Variants in TMEM163 observed in about 807,000 individuals in gnomAD.
The protein encoded by TMEM163 is transmembrane protein 163.
A neutral mutation model predicts 29.3 loss-of-function variants in TMEM163; 17 were observed. That is an observed-to-expected ratio of 0.58 (90% CI 0.40 to 0.87). TMEM163 has a LOEUF of 0.87. Among genes scored for constraint, TMEM163 ranks in the 40% least tolerant of loss-of-function variants. The probability of loss-of-function intolerance (pLI) is 0.00; values close to 1 mark genes in which losing one functional copy is unlikely to be tolerated. For missense variants in TMEM163, 303 were observed against 381.5 expected (o/e 0.79, Z 1.71); for synonymous variants, 157 against 160.6 (o/e 0.98, Z 0.17).
intron 2 of TMEM163, among the ~76,000 whole-genome samples, chr2:134,648,305 C>G (rs983483368): frequency 8.5e-5 from 1 of 11,834 alleles, no homozygotes; most frequent in Admixed American, 6.4e-4. Flanking sequence ...ACTGCTTCTC[C>G]TCTTCTCTTC....
intron 4 of TMEM163, among the ~76,000 whole-genome samples, chr2:134,537,299 G>A (rs1218966688): frequency 6.6e-6 from 1 of 152,186 alleles, no homozygotes; most frequent in Non-Finnish European, 1.5e-5. Context: ...CAGACTGACT[G>A]GGCAGCTTAA....
chr2:134,714,313 C>T (rs545616816), intron 1 of TMEM163, among the ~76,000 whole-genome samples: 1 of 152,308 alleles, frequency 6.6e-6, no homozygotes, highest in South Asian at 2.1e-4. Flanking sequence ...CACAATACAA[C>T]TTTCAGAGGT....
chr2:134,696,932 T>C (rs1322752520), intron 2 of TMEM163, among the ~76,000 whole-genome samples: 2 of 152,106 alleles, frequency 1.3e-5, no homozygotes, highest in Non-Finnish European at 2.9e-5. Flanking sequence ...CCCGCCACCA[T>C]GCCCAGGTAA....
intron 2 of TMEM163, among the ~76,000 whole-genome samples, chr2:134,648,173 A>T (rs902323658): frequency 3.9e-5 from 6 of 152,178 alleles, no homozygotes; most frequent in Non-Finnish European, 7.4e-5. Context: ...GAGCAGGAAG[A>T]TAATCTTCCC....
intron 2 of TMEM163, among the ~76,000 whole-genome samples, chr2:134,640,764 C>A (rs1397472944): frequency 1.3e-5 from 2 of 152,232 alleles, no homozygotes; most frequent in Non-Finnish European, 2.9e-5. Context: ...GCTCCATCCC[C>A]ATAGCCCTTT....
chr2:134,542,008 A>G (rs1680684286), intron 4 of TMEM163, among the ~76,000 whole-genome samples: 1 of 152,224 alleles, frequency 6.6e-6, no homozygotes, highest in Non-Finnish European at 1.5e-5. Flanking sequence ...TCAAGAAACA[A>G]TCTTTTTATC....
chr2:134,690,986 T>G (rs1684451975), intron 2 of TMEM163, among the ~76,000 whole-genome samples: 2 of 152,044 alleles, frequency 1.3e-5, no homozygotes, highest in African/African-American at 4.8e-5. Context: ...CAGGGGTGGG[T>G]GACAAAACGG....
At chr2:134,577,074 T>C (rs1026911183) in intron 2 of TMEM163, among the ~76,000 whole-genome samples, 1 of 152,178 alleles carries the variant, frequency 6.6e-6, no homozygotes, top group Non-Finnish European at 1.5e-5. Context: ...CTTACCCCAG[T>C]ATGAGGCTGA....
At chr2:134,499,205 C>G (rs1449561012) in intron 5 of TMEM163, among the ~76,000 whole-genome samples, 2 of 152,172 alleles carry the variant, frequency 1.3e-5, no homozygotes, top group African/African-American at 2.4e-5. Flanking sequence ...AAAAAAGATG[C>G]AGTCGGGGAG....
chr2:134,711,743 T>C (rs1684931688), intron 2 of TMEM163, among the ~76,000 whole-genome samples: 1 of 152,186 alleles, frequency 6.6e-6, no homozygotes, highest in African/African-American at 2.4e-5. Flanking sequence ...CAATGTAATA[T>C]TACTCTCCTA....
intron 2 of TMEM163, among the ~76,000 whole-genome samples, chr2:134,554,105 T>G (rs1680993630): frequency 6.6e-6 from 1 of 151,922 alleles, no homozygotes; most frequent in Non-Finnish European, 1.5e-5. Flanking sequence ...AACTAACATC[T>G]TGCACAGATG....
chr2:134,489,222 T>C (rs12475911), intron 5 of TMEM163, among the ~76,000 whole-genome samples: 17,490 of 152,246 alleles, frequency 0.11, 1,245 homozygotes, highest in South Asian at 0.2. Context: ...CCTACATTTA[T>C]ATGATGAACA....
chr2:134,711,971 T>C lies in TMEM163; in HGVS notation c.322+1229A>G, dbSNP rs1684936893. On this transcript the variant is annotated intron_variant, in intron 2 of 7. Coordinates refer to ENST00000281924, the MANE Select transcript of TMEM163 (RefSeq NM_030923.5). ...CAGCCACCACAACCAAATTATCCCC[T>C]AGGGACATCAATCCAGCTTGTTATT... Among the ~76,000 whole-genome samples the C allele has an allele frequency of 2.6e-5, 4 of 152,174 alleles. No homozygotes were observed. In the South Asian group the frequency reaches 8.3e-4, roughly 31 times the overall value.
At chr2:134,457,728 CAG>C (rs892377642) in intron 7 of TMEM163, among the ~76,000 whole-genome samples, 3 of 152,090 alleles carry the variant, frequency 2.0e-5, no homozygotes, top group Non-Finnish European at 4.4e-5. Context: ...TGAAGACTGT[CAG>C]AGAGGAAGGA....
At chr2:134,587,192 C>T (rs1262232654) in intron 2 of TMEM163, among the ~76,000 whole-genome samples, 1 of 152,164 alleles carries the variant, frequency 6.6e-6, no homozygotes, top group Admixed American at 6.5e-5. Context: ...GGGAGGATCA[C>T]CTGAGGTCAG....
rs375493263 is a variant in TMEM163 at position 134,561,809 on chromosome 2, G to A, written c.323-9718C>T. On this transcript the variant is annotated intron_variant, in intron 2 of 7. Coordinates refer to ENST00000281924, the MANE Select transcript of TMEM163 (RefSeq NM_030923.5). ...CTGCCAGACTAACATGAGTAGCCACGCTCAACTAATCAGTCTTTCATTCAA... is the reference window on the plus strand; with the variant it reads ...CTGCCAGACTAACATGAGTAGCCACACTCAACTAATCAGTCTTTCATTCAA... Among the ~76,000 whole-genome samples the A allele has an allele frequency of 7.9e-5, 12 of 152,268 alleles. No individual in the cohort carries two copies. In the South Asian group the frequency reaches 2.5e-3, roughly 32 times the overall value.
At chr2:134,568,945 A>T (rs1681361487) in intron 2 of TMEM163, among the ~76,000 whole-genome samples, 1 of 152,184 alleles carries the variant, frequency 6.6e-6, no homozygotes. Flanking sequence ...AACTCTCAAA[A>T]GTGAGATTCA....
chr2:134,545,102 C>T (rs1351224725), intron 4 of TMEM163, among the ~76,000 whole-genome samples: 4 of 152,172 alleles, frequency 2.6e-5, no homozygotes, highest in Non-Finnish European at 5.9e-5. Flanking sequence ...ACCACACATG[C>T]TATTTTGTGT....
At chr2:134,508,144 C>A (rs549995) in intron 4 of TMEM163, among the ~76,000 whole-genome samples, 30,400 of 152,156 alleles carry the variant, frequency 0.2, 3,368 homozygotes, top group South Asian at 0.4. Context: ...GGTTTAAAGG[C>A]CTGTGGCTCA....
Sources: allele counts gnomAD v4.1 joint callset (sites outside exome capture counted in the v4.1 genomes callset), GRCh38; gene constraint gnomAD v4.1.1; transcripts MANE v1.5; gene names NCBI Gene and HGNC (gene_info 2026-07-23, HGNC 2026-07-21).